CNTN4: variants seen among roughly 807,000 people sequenced by gnomAD.
CNTN4 encodes contactin 4, also known as contactin-4.
In CNTN4, 77 loss-of-function variants were observed where a neutral mutation model predicts 122.5. That is an observed-to-expected ratio of 0.63 (90% CI 0.52 to 0.76). CNTN4 has a LOEUF of 0.76. Ranked by LOEUF, CNTN4 falls within the 30% of genes least tolerant of loss-of-function variation. CNTN4 has a pLI of 0.00. For missense variants in CNTN4, 1,256 were observed against 1,259.1 expected, an observed-to-expected ratio of 1.00 and a Z score of 0.04; for synonymous variants, 512 against 447.0, an observed-to-expected ratio of 1.15 and a Z score of -1.83.
At chr3:2,245,685 G>A (rs1038368533) in intron 2 of CNTN4, among the ~76,000 whole-genome samples, 4 of 151,930 alleles carry the variant, frequency 2.6e-5, no homozygotes, top group Non-Finnish European at 4.4e-5. Context: ...ATTGGTGTAC[G>A]TATTTTCTTT....
At chr3:2,232,158 A>C (rs560717010) in intron 2 of CNTN4, among the ~76,000 whole-genome samples, 1 of 152,258 alleles carries the variant, frequency 6.6e-6, no homozygotes, top group African/African-American at 2.4e-5. Context: ...ATCCAATAAT[A>C]ATAATAAAAA....
At chr3:2,885,530 G>A (rs999810094) in intron 9 of CNTN4, among the ~76,000 whole-genome samples, 9 of 152,128 alleles carry the variant, frequency 5.9e-5, no homozygotes, top group African/African-American at 2.2e-4. Context: ...TCAGCAATAG[G>A]TTGTGTCTCC....
At chr3:2,863,027 C>T (rs1041597813) in intron 7 of CNTN4, among the ~76,000 whole-genome samples, 1 of 152,170 alleles carries the variant, frequency 6.6e-6, no homozygotes, top group Admixed American at 6.5e-5. Flanking sequence ...CTAACCCTTT[C>T]TAGACCTCAG....
At chr3:2,684,223 C>CTAAA (rs979612244) in intron 4 of CNTN4, among the ~76,000 whole-genome samples, 6 of 152,088 alleles carry the variant, frequency 3.9e-5, no homozygotes, top group African/African-American at 1.4e-4. Context: ...GAAAGCCAAT[C>CTAAA]ATTTAGCAAG....
At chr3:2,273,310 C>T (rs2041374443) in intron 2 of CNTN4, among the ~76,000 whole-genome samples, 1 of 152,202 alleles carries the variant, frequency 6.6e-6, no homozygotes, top group Non-Finnish European at 1.5e-5. Context: ...CGAAGACTCT[C>T]AGGATTCCCT....
At position 3,005,996 on chromosome 3, in the gene CNTN4, G is replaced by A. The variant is rs577408336; in HGVS notation, c.1486+17524G>A. ...TGCCTCCCAGGTTCACGCCATTCTC[G>A]TGCCTCAGCCTCCCAAGTAGCTGGG... is the stretch of plus-strand genomic sequence containing the variant. On this transcript the variant is annotated intron_variant, in intron 14 of 24. Transcript: ENST00000418658. 1.5e-4 allele frequency among the ~76,000 whole-genome samples: 22 copies of A among 149,772 alleles called. No individual in the cohort carries two copies. The South Asian group carries it at 1.9e-3, about 13-fold the overall frequency.
At chr3:2,585,757 G>T (rs1325524064) in intron 4 of CNTN4, among the ~76,000 whole-genome samples, 1 of 151,400 alleles carries the variant, frequency 6.6e-6, no homozygotes, top group Non-Finnish European at 1.5e-5. Context: ...GTTAATGGGT[G>T]CAGCACACCA....
chr3:2,466,078 C>A (rs955186921), intron 3 of CNTN4, among the ~76,000 whole-genome samples: 31 of 152,256 alleles, frequency 2.0e-4, no homozygotes, highest in African/African-American at 6.7e-4. Flanking sequence ...TGCACTAAAC[C>A]AACACTACAT....
chr3:2,754,511 AAGATG>A (rs2090238934), intron 6 of CNTN4, among the ~76,000 whole-genome samples: 1 of 152,212 alleles, frequency 6.6e-6, no homozygotes, highest in Admixed American at 6.5e-5. Context: ...TACCTCACTT[AAGATG>A]AGGAAAGTAA....
chr3:2,823,409 C>A (rs2092919510), intron 7 of CNTN4, among the ~76,000 whole-genome samples: 1 of 152,160 alleles, frequency 6.6e-6, no homozygotes, highest in Non-Finnish European at 1.5e-5. Flanking sequence ...TTTTGAAAAG[C>A]ATTTCAGTCA....
intron 12 of CNTN4, among the ~76,000 whole-genome samples, chr3:2,923,061 T>G (rs529331006): frequency 6.6e-6 from 1 of 152,370 alleles, no homozygotes; most frequent in South Asian, 2.1e-4. Context: ...GTGTCTGATA[T>G]GCTATTTCAA....
chr3:2,275,373 C>G (rs1479217281), intron 2 of CNTN4, among the ~76,000 whole-genome samples: 1 of 152,178 alleles, frequency 6.6e-6, no homozygotes, highest in African/African-American at 2.4e-5. Context: ...TAGACATCCT[C>G]ATAACTATCT....
At chr3:2,842,852 T>C (rs2093387905) in intron 7 of CNTN4, among the ~76,000 whole-genome samples, 1 of 152,062 alleles carries the variant, frequency 6.6e-6, no homozygotes, top group African/African-American at 2.4e-5. Context: ...TTTTTTTCCA[T>C]TTTTTTCTTT....
intron 2 of CNTN4, among the ~76,000 whole-genome samples, chr3:2,224,207 T>C (rs1057184367): frequency 3.3e-5 from 5 of 152,198 alleles, no homozygotes; most frequent in African/African-American, 9.7e-5. Context: ...AAATATATTT[T>C]AGGGTGGCAC....
At chr3:2,676,898 T>G (rs2084877482) in intron 4 of CNTN4, among the ~76,000 whole-genome samples, 1 of 152,208 alleles carries the variant, frequency 6.6e-6, no homozygotes, top group Non-Finnish European at 1.5e-5. Flanking sequence ...TACTTGGTGT[T>G]TGTCCTTAAT....
chr3:2,420,215 A>G (rs1282818035), intron 3 of CNTN4, among the ~76,000 whole-genome samples: 1 of 152,110 alleles, frequency 6.6e-6, no homozygotes, highest in Non-Finnish European at 1.5e-5. Context: ...TTTTTCCAAA[A>G]ACTGTGGGAA....
chr3:2,266,774 A>AATC (rs1167113030), intron 2 of CNTN4, among the ~76,000 whole-genome samples: 1 of 152,112 alleles, frequency 6.6e-6, no homozygotes, highest in African/African-American at 2.4e-5. Context: ...AGGATCTCTG[A>AATC]AGAGTTCTGG....
chr3:2,498,056 A>T (rs2076499452), intron 3 of CNTN4, among the ~76,000 whole-genome samples: 1 of 152,204 alleles, frequency 6.6e-6, no homozygotes, highest in Non-Finnish European at 1.5e-5. Context: ...GGTAGTAAAA[A>T]GTTGTTTATA....
intron 4 of CNTN4, among the ~76,000 whole-genome samples, chr3:2,660,134 C>G (rs1003361135): frequency 5.9e-5 from 9 of 152,028 alleles, no homozygotes; most frequent in African/African-American, 2.2e-4. Flanking sequence ...GACCTCAGTT[C>G]ATTTGAAAGC....
Sources: gnomAD v4.1 joint callset for allele counts (sites outside exome capture counted in the v4.1 genomes callset) on GRCh38, gnomAD v4.1.1 for gene constraint, MANE v1.5 for transcripts, NCBI Gene and HGNC (gene_info 2026-07-23, HGNC 2026-07-21) for gene names.